CLPB: variants seen among roughly 807,000 people sequenced by gnomAD.
CLPB encodes the protein mitochondrial disaggregase.
In CLPB, 40 loss-of-function variants were observed where a neutral mutation model predicts 78.4. The observed-to-expected ratio is 0.51, with a 90% CI of 0.40 to 0.66. The LOEUF is 0.66. CLPB is among the 30% of genes least tolerant of loss of function. CLPB has a pLI of 0.00. For synonymous variants in CLPB, 333 were observed against 348.0 expected (o/e 0.96, Z 0.48); for missense variants, 780 against 886.9 (o/e 0.88, Z 1.53).
chr11:72,375,801 G>A (rs772487650), intron 4 of CLPB, among the ~76,000 whole-genome samples: 4 of 152,158 alleles, frequency 2.6e-5, no homozygotes, highest in East Asian at 1.9e-4. Context: ...GTAAGAACAC[G>A]CTGAATTATG....
intron 2 of CLPB, among the ~76,000 whole-genome samples, chr11:72,420,011 G>T (rs540344720): frequency 1.3e-5 from 2 of 152,132 alleles, no homozygotes; most frequent in African/African-American, 2.4e-5. Flanking sequence ...GGTTTATTAT[G>T]ACTGTAATAG....
chr11:72,294,692 C>G lies in CLPB; in HGVS notation c.1488G>C (p.Gly496=). ...TGATCTTGTCACTTATCTGGACATC[C>G]CCTGTGGAGAAGAATCATAAACTGC... ...MSRNRIAENL[G]DVQISDKITI... is the part of the protein sequence containing the mutation. The change falls in exon 13 of 16, where the codon GGG becomes GGC. Residue 496 remains glycine (G), a splice_region_variant and synonymous_variant. Coordinates refer to ENST00000538039, the MANE Select transcript of CLPB (RefSeq NM_001258392.3). 6.2e-7 allele frequency: 1 copy of G among 1,613,492 alleles called. No homozygotes were observed. Among genetic ancestry groups the G allele is most frequent in the South Asian group, 1.1e-5 (1 of 91,072 alleles).
intron 7 of CLPB, among the ~76,000 whole-genome samples, chr11:72,311,395 T>G (rs1208899844): frequency 2.6e-5 from 4 of 152,194 alleles, no homozygotes; most frequent in Non-Finnish European, 4.4e-5. Flanking sequence ...TATAAAGAAC[T>G]TCTGTAGACA....
chr11:72,415,867 A>AC (rs1163222936), intron 2 of CLPB, among the ~76,000 whole-genome samples: 4 of 152,238 alleles, frequency 2.6e-5, no homozygotes, highest in African/African-American at 9.6e-5. Context: ...TGGTCATGCC[A>AC]CACTGGAATT....
intron 2 of CLPB, among the ~76,000 whole-genome samples, chr11:72,410,216 G>A (rs868014807): frequency 6.6e-6 from 1 of 152,086 alleles, no homozygotes. Flanking sequence ...GGCAACAAGA[G>A]CAGAACTCCA....
intron 1 of CLPB, among the ~76,000 whole-genome samples, chr11:72,431,263 C>T (rs868663367): frequency 4.6e-5 from 7 of 152,178 alleles, no homozygotes; most frequent in Non-Finnish European, 1.0e-4. Context: ...GTACATGGAG[C>T]CCTCTGTGCC....
intron 2 of CLPB, among the ~76,000 whole-genome samples, chr11:72,408,683 A>AAAAAG (rs1191600623): frequency 6.6e-5 from 10 of 151,264 alleles, no homozygotes; most frequent in Non-Finnish European, 7.4e-5. Flanking sequence ...AAAAAAAAAA[A>AAAAAG]AAAAGAAAAG....
chr11:72,332,708 A>G (rs1443039117), intron 5 of CLPB: 1 of 152,142 alleles, frequency 6.6e-6, no homozygotes, highest in Non-Finnish European at 1.5e-5. Context: ...GATACTTCCT[A>G]TGAATGGAGT....
rs556667617 is a variant in CLPB at position 72,297,345 on chromosome 11, A to G, written c.1330-1697T>C. On this transcript the variant is annotated intron_variant, in intron 11 of 15. Transcript: ENST00000538039. ...GCAAAGGAGAAAGGACTGTGCATCA[A>G]CCGAGCTAGCTTACTGCATGCTGGG... 1.3e-4 allele frequency among the ~76,000 whole-genome samples: 20 copies of G among 152,338 alleles called. 2 individuals are homozygous for G. In the East Asian group the frequency reaches 3.9e-3, roughly 29 times the overall value.
intron 1 of CLPB, among the ~76,000 whole-genome samples, chr11:72,433,025 AGCTCCCCG>A (rs1238729961): frequency 1.3e-5 from 2 of 152,122 alleles, no homozygotes; most frequent in Non-Finnish European, 2.9e-5. Flanking sequence ...GCTGCTGCTT[AGCTCCCCG>A]GATCCAAATG....
At chr11:72,432,101 C>T (rs1182487647) in intron 1 of CLPB, among the ~76,000 whole-genome samples, 1 of 152,128 alleles carries the variant, frequency 6.6e-6, no homozygotes, top group East Asian at 1.9e-4. Flanking sequence ...GCATCCAGGC[C>T]CCACTCCATC....
chr11:72,412,713 T>C (rs1272374664), intron 2 of CLPB, among the ~76,000 whole-genome samples: 2 of 152,172 alleles, frequency 1.3e-5, no homozygotes, highest in East Asian at 3.8e-4. Context: ...AAGGAAATAA[T>C]GTTTGTGAGG....
In CLPB at chr11:72,294,056, T is replaced by C. The variant is rs144147385; in HGVS notation, c.1751A>G (p.Asn584Ser). 15 of 1,614,026 alleles carry C rather than the reference T, an allele frequency of 9.3e-6. No individual in the cohort carries two copies. Among genetic ancestry groups the C allele is most frequent in the African/African-American group, 2.7e-5 (2 of 74,940 alleles). Residue 584 changes from asparagine (N) to serine (S), a missense_variant, in exon 15 of 16, where the codon AAT (asparagine) becomes AGT (serine). Asn to Ser is a conservative substitution (Grantham distance 46). Transcript: ENST00000538039. Reference protein sequence around the residue: ...EVADVLVDGYNVHYGARSIKH... With the variant: ...EVADVLVDGYSVHYGARSIKH... ...GATGGAGCGGGCGCCATAGTGCACATTGTAGCCGTCGACCAGCACATCTGC... is the reference window on the plus strand; with the variant it reads ...GATGGAGCGGGCGCCATAGTGCACACTGTAGCCGTCGACCAGCACATCTGC...
At chr11:72,344,105 T>C (rs1290080348) in intron 5 of CLPB, among the ~76,000 whole-genome samples, 1 of 152,200 alleles carries the variant, frequency 6.6e-6, no homozygotes, top group Non-Finnish European at 1.5e-5. Context: ...GGTAGGGCTA[T>C]GAATGTCATT....
At chr11:72,341,112 G>T (rs184421655) in intron 5 of CLPB, among the ~76,000 whole-genome samples, 2 of 152,170 alleles carry the variant, frequency 1.3e-5, no homozygotes, top group Non-Finnish European at 2.9e-5. Flanking sequence ...GAGCCACCGC[G>T]CCTGGCAAGT....
chr11:72,403,212 C>A (rs954882655), intron 2 of CLPB, among the ~76,000 whole-genome samples, 160 bp from the exon 3 acceptor site: 1 of 152,192 alleles, frequency 6.6e-6, no homozygotes, highest in Non-Finnish European at 1.5e-5. Flanking sequence ...ACAAACAGAG[C>A]CTGAATGAGT....
In CLPB at chr11:72,326,889, T is replaced by C. The variant is rs1950142700; in HGVS notation, c.873+2818A>G. ...AGAACAGAATGAATGGGTGACCAAG[T>C]AGATGCTGAACAACTCAGAGAAAGC... On this transcript the variant is annotated intron_variant, in intron 6 of 15. Transcript: ENST00000538039. 3.9e-5 allele frequency among the ~76,000 whole-genome samples: 6 copies of C among 152,322 alleles called. No homozygotes were observed. In the South Asian group the frequency reaches 1.0e-3, roughly 26 times the overall value.
intron 2 of CLPB, among the ~76,000 whole-genome samples, chr11:72,413,857 G>C (rs1165186815): frequency 2.0e-5 from 3 of 152,166 alleles, no homozygotes; most frequent in Admixed American, 2.0e-4. Context: ...CTCTTCCTGA[G>C]GACTGGTTAT....
rs1021073068 is a variant in CLPB at position 72,405,613 on chromosome 11, G to A, written c.456-2561C>T. Among the ~76,000 whole-genome samples, 4 of 152,000 alleles carry A rather than the reference G, an allele frequency of 2.6e-5. No individual in the cohort carries two copies. In the East Asian group the frequency reaches 7.7e-4, roughly 29 times the overall value. On this transcript the variant is annotated intron_variant, in intron 2 of 15. Coordinates refer to ENST00000538039, the MANE Select transcript of CLPB (RefSeq NM_001258392.3). ...CATCTCTCCCAGCAGTTCTTGCTGT[G>A]GAGCCTTTGAAAGAGCCTCAGAATC...
Sources: gnomAD v4.1 joint callset for allele counts (sites outside exome capture counted in the v4.1 genomes callset) on GRCh38, gnomAD v4.1.1 for gene constraint, MANE v1.5 for transcripts, NCBI Gene and HGNC (gene_info 2026-07-23, HGNC 2026-07-21) for gene names.